The following NCF2 variants were observed in gnomAD, a reference collection of about 807,000 sequenced individuals.
The protein encoded by NCF2 is neutrophil cytosolic factor 2.
In NCF2, 45 loss-of-function variants were observed where a neutral mutation model predicts 70.9. That is an observed-to-expected ratio of 0.63 (90% CI 0.50 to 0.81). NCF2 has a LOEUF of 0.81. Among genes scored for constraint, NCF2 ranks in the 40% least tolerant of loss-of-function variants. The pLI is 0.00. For missense variants in NCF2, 522 were observed against 631.6 expected, an observed-to-expected ratio of 0.83 and a Z score of 1.86; for synonymous variants, 203 against 233.6, an observed-to-expected ratio of 0.87 and a Z score of 1.19.
chr1:183,563,844 G>A, intron 11 of NCF2, 161 bp downstream of exon 11: 1 of 868,222 alleles, frequency 1.2e-6, no homozygotes, highest in East Asian at 2.4e-5. Flanking sequence ...TAGTGGAGGA[G>A]GCTATTAAGA....
In NCF2 at chr1:183,556,010, C is replaced by G; in HGVS notation, c.*108G>C. ...ATTTTAACAGGGAATAAATAGTTAACACTTCCAAACTGTAATGTCTCAGTA... is the reference window on the plus strand; with the variant it reads ...ATTTTAACAGGGAATAAATAGTTAAGACTTCCAAACTGTAATGTCTCAGTA... On this transcript the variant is annotated 3_prime_UTR_variant, in exon 15 of 15. Coordinates refer to ENST00000367535, the MANE Select transcript of NCF2 (RefSeq NM_000433.4). The G allele has an allele frequency of 1.1e-6, 1 of 927,420 alleles. No individual in the cohort carries two copies. The highest frequency in any genetic ancestry group is 1.8e-6 in the Non-Finnish European group (1 of 570,350). The allele number at this position is 927,420 out of a possible 1,614,324, so 57.4% of individuals were successfully genotyped here.
chr1:183,594,335 G>A (rs1280054949), upstream of NCF2, among the ~76,000 whole-genome samples: 1 of 152,170 alleles, frequency 6.6e-6, no homozygotes, highest in Non-Finnish European at 1.5e-5. Context: ...TTGAGCTCAG[G>A]ACTTCAAAGG....
chr1:183,598,058 T>C, the NCF2 span: 1 of 152,334 alleles, frequency 6.6e-6, no homozygotes, highest in African/African-American at 2.4e-5. Flanking sequence ...AGTTCTATCA[T>C]GCTGTGCCCT....
chr1:183,599,474 CTTT>C, the NCF2 span, among the ~76,000 whole-genome samples: 2 of 136,966 alleles, frequency 1.5e-5, no homozygotes, highest in African/African-American at 5.7e-5. Flanking sequence ...TTCTTTCTTT[CTTT>C]CTTTCTCTTT....
At chr1:183,580,234 G>A (rs1302157232) in intron 2 of NCF2, among the ~76,000 whole-genome samples, 5 of 152,194 alleles carry the variant, frequency 3.3e-5, no homozygotes, top group Admixed American at 2.6e-4. Flanking sequence ...AAAGATGGTT[G>A]TAAAACCTAC....
At chr1:183,593,238 C>T (rs1673719274), upstream of NCF2, among the ~76,000 whole-genome samples, 1 of 152,158 alleles carries the variant, frequency 6.6e-6, no homozygotes, top group African/African-American at 2.4e-5. Flanking sequence ...CATCCACTTT[C>T]CCTCCCCTTC....
intron 13 of NCF2, among the ~76,000 whole-genome samples, chr1:183,562,539 C>G (rs1339961243): frequency 6.6e-6 from 1 of 152,096 alleles, no homozygotes; most frequent in Non-Finnish European, 1.5e-5. Context: ...CTTTTCTAGG[C>G]TCATTCTCTT....
In NCF2 at chr1:183,586,894, C is replaced by G. The variant is rs990043411; in HGVS notation, c.257+1G>C. ...AGTTGGTGCAACATTGAACCACTTA[C>G]TTCTCTGTCTGGTAGTAGAGCATCC... On this transcript the variant is annotated splice_donor_variant, in intron 2 of 14. Transcript: ENST00000367535. LOFTEE classifies it high-confidence loss of function. The G allele has an allele frequency of 6.2e-7, 1 of 1,613,602 alleles. No individual in the cohort carries two copies.
At chr1:183,576,732 C>T (rs1672816279) in intron 3 of NCF2, among the ~76,000 whole-genome samples, 1 of 152,194 alleles carries the variant, frequency 6.6e-6, no homozygotes, top group Non-Finnish European at 1.5e-5. Flanking sequence ...CATATGTCCC[C>T]AGGGGCCGAG....
chr1:183,587,008 G>A (rs1673384997), intron 1 of NCF2, 31 bp from the exon 2 acceptor site: 1 of 1,589,844 alleles, frequency 6.3e-7, no homozygotes, highest in East Asian at 2.2e-5. Flanking sequence ...ACATGGCCAT[G>A]ATGCAAGGCA....
upstream of NCF2, among the ~76,000 whole-genome samples, chr1:183,594,569 C>T (rs1206634815): frequency 1.3e-5 from 2 of 152,096 alleles, no homozygotes; most frequent in African/African-American, 2.4e-5. Context: ...ACTGGATTCT[C>T]GGTACCTAGT....
upstream of NCF2, among the ~76,000 whole-genome samples, chr1:183,595,019 A>G (rs551764856): frequency 5.3e-5 from 8 of 152,352 alleles, no homozygotes; most frequent in African/African-American, 1.9e-4. Context: ...CTCCGTGATC[A>G]TTGGCTAATT....
At chr1:183,580,462 C>A (rs745741272) in intron 2 of NCF2, among the ~76,000 whole-genome samples, 24 of 152,192 alleles carry the variant, frequency 1.6e-4, no homozygotes, top group Non-Finnish European at 2.9e-4. Context: ...TGTTTCCTGG[C>A]AGCTGCAATT....
intron 2 of NCF2, among the ~76,000 whole-genome samples, chr1:183,583,684 G>T (rs34212890): frequency 1.3e-5 from 2 of 152,320 alleles, no homozygotes; most frequent in Non-Finnish European, 2.9e-5. Context: ...TCACGGGCCA[G>T]ACATATTACA....
intron 13 of NCF2, among the ~76,000 whole-genome samples, chr1:183,561,837 A>C: frequency 8.4e-6 from 1 of 118,888 alleles, no homozygotes. Context: ...TCTCTCTGTC[A>C]CCCAGACTGG....
At chr1:183,556,599 TG>T (rs1671793927) in intron 14 of NCF2, among the ~76,000 whole-genome samples, 1 of 152,202 alleles carries the variant, frequency 6.6e-6, no homozygotes, top group African/African-American at 2.4e-5. Context: ...TGGCACAATC[TG>T]GGCTTACTGC....
intron 3 of NCF2, among the ~76,000 whole-genome samples, chr1:183,575,208 G>A (rs559936749): frequency 2.0e-5 from 3 of 152,350 alleles, no homozygotes; most frequent in East Asian, 3.9e-4. Context: ...AGTGGCTCAT[G>A]CCTGTAATCC....
chr1:183,578,510 G>A (rs577044494), intron 2 of NCF2, among the ~76,000 whole-genome samples: 45 of 152,130 alleles, frequency 3.0e-4, no homozygotes, highest in African/African-American at 9.9e-4. Flanking sequence ...GACTACGGGC[G>A]AGCGCCACCA....
At chr1:183,586,255 G>A (rs1018483728) in intron 2 of NCF2, among the ~76,000 whole-genome samples, 14 of 152,178 alleles carry the variant, frequency 9.2e-5, no homozygotes, top group African/African-American at 3.4e-4. Context: ...AATCGCTTGA[G>A]CCTGGGAGGC....
Sources: allele counts gnomAD v4.1 joint callset (sites outside exome capture counted in the v4.1 genomes callset), GRCh38; gene constraint gnomAD v4.1.1; transcripts MANE v1.5; gene names NCBI Gene and HGNC (gene_info 2026-07-23, HGNC 2026-07-21).